The following LRFN2 variants were observed in gnomAD, a reference collection of about 807,000 sequenced individuals.
The protein encoded by LRFN2 is leucine-rich repeat and fibronectin type-III domain-containing protein 2.
A neutral mutation model predicts 37.3 loss-of-function variants in LRFN2; 18 were observed. That is an observed-to-expected ratio of 0.48 (90% CI 0.33 to 0.72). LRFN2 has a LOEUF of 0.72. Ranked by LOEUF, LRFN2 falls within the 30% of genes least tolerant of loss-of-function variation. The pLI, the probability that LRFN2 is intolerant of heterozygous loss-of-function variation, is 0.02. For synonymous variants in LRFN2, 556 were observed against 466.6 expected (o/e 1.19, Z -2.47); for missense variants, 1,006 against 1,060.7 (o/e 0.95, Z 0.72).
chr6:40,458,225 A>C (rs1299265842), intron 1 of LRFN2, among the ~76,000 whole-genome samples: 2 of 152,222 alleles, frequency 1.3e-5, no homozygotes, highest in Non-Finnish European at 2.9e-5. Flanking sequence ...AGATGAAACC[A>C]CTGATAACTG....
At chr6:40,457,658 A>AAAAAAAG (rs1248241764) in intron 1 of LRFN2, among the ~76,000 whole-genome samples, 1 of 149,244 alleles carries the variant, frequency 6.7e-6, no homozygotes, top group African/African-American at 2.4e-5. Flanking sequence ...AAAAAAAAAA[A>AAAAAAAG]AGAGAGGGAG....
chr6:40,464,843 G>C (rs1183610696), intron 1 of LRFN2, among the ~76,000 whole-genome samples: 1 of 151,730 alleles, frequency 6.6e-6, no homozygotes, highest in Non-Finnish European at 1.5e-5. Flanking sequence ...CACCCTTTGG[G>C]TAGGATGACT....
intron 2 of LRFN2, among the ~76,000 whole-genome samples, chr6:40,401,104 C>A (rs533109228): frequency 1.4e-5 from 2 of 146,914 alleles, no homozygotes; most frequent in East Asian, 3.9e-4. Flanking sequence ...ACAGAGTTTA[C>A]CCCCCAGAAA....
At chr6:40,519,455 A>G (rs974039985) in intron 1 of LRFN2, among the ~76,000 whole-genome samples, 5 of 152,188 alleles carry the variant, frequency 3.3e-5, no homozygotes, top group African/African-American at 1.2e-4. Flanking sequence ...TGACCATATG[A>G]CTTGCATTGG....
At chr6:40,399,438 C>CTTT (rs71543989) in intron 2 of LRFN2, among the ~76,000 whole-genome samples, 47 of 108,940 alleles carry the variant, frequency 4.3e-4, no homozygotes, top group Admixed American at 1.5e-3. Flanking sequence ...TTTTTTTTTT[C>CTTT]TTTTTTTTTT....
At chr6:40,532,404 T>C (rs1395373425) in intron 1 of LRFN2, among the ~76,000 whole-genome samples, 1 of 152,274 alleles carries the variant, frequency 6.6e-6, no homozygotes, top group Non-Finnish European at 1.5e-5. Context: ...CAAAACAATG[T>C]CATGTGCTTT....
rs544527049 is a variant in LRFN2, at chr6:40,550,874, G to A, written c.-19+36067C>T. Among the ~76,000 whole-genome samples the A allele has an allele frequency of 1.1e-3, 165 of 152,320 alleles. 1 individual carries two copies. Among genetic ancestry groups the A allele is most frequent in the Middle Eastern group, 3.4e-3 (1 of 294 alleles). On this transcript the variant is annotated intron_variant, in intron 1 of 2. Transcript: ENST00000338305. ...CAGAAACTAAGTAAAACTCCACAGC[G>A]TCTCCCCGCGGGCATGGGGTGAGTA...
chr6:40,541,966 G>A (rs1289111182), intron 1 of LRFN2, among the ~76,000 whole-genome samples: 4 of 152,250 alleles, frequency 2.6e-5, no homozygotes, highest in Non-Finnish European at 4.4e-5. Flanking sequence ...AGAGGCACAC[G>A]TGGCAGTGCC....
chr6:40,401,306 A>T (rs989918789), intron 2 of LRFN2, among the ~76,000 whole-genome samples: 8 of 151,908 alleles, frequency 5.3e-5, no homozygotes, highest in Non-Finnish European at 1.0e-4. Context: ...GGCTAAAGGG[A>T]TGTGGAGGAT....
intron 1 of LRFN2, among the ~76,000 whole-genome samples, chr6:40,453,559 C>T (rs111843217): frequency 1.8e-4 from 27 of 149,668 alleles, no homozygotes; most frequent in African/African-American, 6.2e-4. Flanking sequence ...CACACACCTC[C>T]CTTTGAGTTG....
At chr6:40,452,154 A>G (rs1395211504) in intron 1 of LRFN2, among the ~76,000 whole-genome samples, 1 of 152,184 alleles carries the variant, frequency 6.6e-6, no homozygotes, top group Non-Finnish European at 1.5e-5. Flanking sequence ...CTTACCACCC[A>G]GTGAAGGTCT....
At chr6:40,468,359 G>T (rs1764520154) in intron 1 of LRFN2, among the ~76,000 whole-genome samples, 1 of 152,108 alleles carries the variant, frequency 6.6e-6, no homozygotes, top group African/African-American at 2.4e-5. Flanking sequence ...ATGGGGTGCG[G>T]CCCCAGTAAA....
chr6:40,573,035 C>A (rs1055375912), intron 1 of LRFN2, among the ~76,000 whole-genome samples: 15 of 152,216 alleles, frequency 9.9e-5, no homozygotes, highest in Admixed American at 5.9e-4. Context: ...TTGAACAGAA[C>A]TGAAAAGGAC....
At chr6:40,481,144 G>A (rs1443015315) in intron 1 of LRFN2, among the ~76,000 whole-genome samples, 1 of 152,138 alleles carries the variant, frequency 6.6e-6, no homozygotes, top group Non-Finnish European at 1.5e-5. Flanking sequence ...AGGAAGAAAA[G>A]CATTTATTGG....
intron 1 of LRFN2, among the ~76,000 whole-genome samples, chr6:40,554,365 G>T (rs1249467097): frequency 1.3e-5 from 2 of 152,182 alleles, no homozygotes; most frequent in Non-Finnish European, 2.9e-5. Flanking sequence ...CCCTGCCTTG[G>T]TTCCACTCAG....
intron 1 of LRFN2, among the ~76,000 whole-genome samples, chr6:40,527,262 A>G (rs1766271567): frequency 6.6e-6 from 1 of 152,184 alleles, no homozygotes; most frequent in Non-Finnish European, 1.5e-5. Context: ...TTCTCTAACA[A>G]TGCATTCCAG....
chr6:40,399,084 G>A (rs1762674054), intron 2 of LRFN2, among the ~76,000 whole-genome samples: 1 of 151,938 alleles, frequency 6.6e-6, no homozygotes, highest in African/African-American at 2.4e-5. Context: ...AGGGCCGGAA[G>A]AGGGGAGAAG....
At chr6:40,479,740 C>T (rs1184174881) in intron 1 of LRFN2, among the ~76,000 whole-genome samples, 1 of 152,174 alleles carries the variant, frequency 6.6e-6, no homozygotes. Context: ...CCGCTGGCTC[C>T]CCTGTCGTCA....
chr6:40,570,230 A>T (rs1046021193), intron 1 of LRFN2, among the ~76,000 whole-genome samples: 3 of 152,186 alleles, frequency 2.0e-5, no homozygotes, highest in Non-Finnish European at 4.4e-5. Flanking sequence ...ATCATCAAAT[A>T]TTTATTGAGC....
Sources: gnomAD v4.1 joint callset for allele counts (sites outside exome capture counted in the v4.1 genomes callset) on GRCh38, gnomAD v4.1.1 for gene constraint, MANE v1.5 for transcripts, NCBI Gene and HGNC (gene_info 2026-07-23, HGNC 2026-07-21) for gene names.